Variants in MMS22L observed in about 807,000 individuals in gnomAD.
The protein encoded by MMS22L is MMS22 like, DNA repair protein, also known as protein MMS22-like.
In MMS22L, 74 loss-of-function variants were observed where a neutral mutation model predicts 159.1. The observed-to-expected ratio is 0.47, with a 90% CI of 0.39 to 0.56. MMS22L has a LOEUF of 0.56. Ranked by LOEUF, MMS22L falls within the 20% of genes least tolerant of loss-of-function variation. The pLI is 0.00. For missense variants in MMS22L, 1,351 were observed against 1,422.1 expected, an observed-to-expected ratio of 0.95 and a Z score of 0.80; for synonymous variants, 517 against 506.9, an observed-to-expected ratio of 1.02 and a Z score of -0.27.
chr6:97,210,896 G>A (rs1808305533), intron 14 of MMS22L, among the ~76,000 whole-genome samples: 1 of 151,930 alleles, frequency 6.6e-6, no homozygotes, highest in Non-Finnish European at 1.5e-5. Flanking sequence ...GTAGTCTGCA[G>A]AATGTAAGAG....
chr6:97,201,962 C>G (rs527487408), intron 14 of MMS22L, among the ~76,000 whole-genome samples: 1 of 152,152 alleles, frequency 6.6e-6, no homozygotes, highest in East Asian at 1.9e-4. Flanking sequence ...TCGAACAATA[C>G]TTTTAGAAAG....
intron 19 of MMS22L, among the ~76,000 whole-genome samples, chr6:97,171,008 A>AAAC (rs200292551): frequency 1.3e-5 from 2 of 152,160 alleles, no homozygotes; most frequent in Admixed American, 1.3e-4. Context: ...TCTGTCTCAA[A>AAAC]AACAACAACA....
At chr6:97,207,967 A>C (rs536667620) in intron 14 of MMS22L, among the ~76,000 whole-genome samples, 1 of 152,180 alleles carries the variant, frequency 6.6e-6, no homozygotes, top group Non-Finnish European at 1.5e-5. Flanking sequence ...GGACCACAGG[A>C]ACAGTGAAAC....
intron 22 of MMS22L, among the ~76,000 whole-genome samples, chr6:97,154,794 A>T (rs537189983): frequency 6.6e-6 from 1 of 152,284 alleles, no homozygotes; most frequent in African/African-American, 2.4e-5. Context: ...TGAACGCTTA[A>T]TTCTATTCTA....
At chr6:97,182,094 T>G (rs755800684) in intron 15 of MMS22L, 40 bp from the exon 16 acceptor site, 2 of 1,568,102 alleles carry the variant, frequency 1.3e-6, no homozygotes, top group Non-Finnish European at 1.7e-6. Context: ...CAGGAATCTT[T>G]AAAAACCATT....
chr6:97,190,006 G>C (rs946741861), intron 14 of MMS22L, among the ~76,000 whole-genome samples: 1 of 152,154 alleles, frequency 6.6e-6, no homozygotes, highest in Non-Finnish European at 1.5e-5. Flanking sequence ...TAGCCAAATA[G>C]CTAGAAATAC....
chr6:97,152,497 C>T (rs1452199025), intron 22 of MMS22L, among the ~76,000 whole-genome samples: 1 of 151,360 alleles, frequency 6.6e-6, no homozygotes, highest in African/African-American at 2.4e-5. Context: ...GTAGAAAACC[C>T]AATATGTTCT....
rs765883061 is a variant in MMS22L at position 97,246,611 on chromosome 6, T to C, written c.1182+17A>G. The stretch of plus-strand genomic sequence containing the variant: ...AATTAAGCAAAATCCACAAACTGTC[T>C]TACTTTAATTGCATACCTGAACACT... On this transcript the variant is annotated intron_variant, in intron 11 of 24. Coordinates refer to ENST00000683635, the MANE Select transcript of MMS22L (RefSeq NM_001350599.2). The C allele has an allele frequency of 1.3e-6, 2 of 1,592,062 alleles. No homozygotes were observed. Among genetic ancestry groups the C allele is most frequent in the African/African-American group, 1.3e-5 (1 of 74,176 alleles).
rs1299150422 is a variant in MMS22L at position 97,173,117 on chromosome 6, A to G, written c.2785T>C (p.Tyr929His). The change falls in exon 19 of 25, where the codon TAT becomes CAT. Residue 929 changes from tyrosine (Y) to histidine (H), a missense_variant. Physicochemically the swap from Tyr to His is moderately conservative, Grantham distance 83. Transcript: ENST00000683635. Reference protein sequence around the residue: ...LGEVLKYIKPYLGKKVFSAGL... With the variant: ...LGEVLKYIKPHLGKKVFSAGL... ...GCACTGAAAACTTTTTTTCCCAAAT[A>G]AGGCTTAATATATTTTAATACTTCA... 1 of 1,613,378 alleles carries G rather than the reference A, an allele frequency of 6.2e-7. No homozygotes were observed. The highest frequency in any genetic ancestry group is 1.7e-5 in the Admixed American group (1 of 59,912).
intron 14 of MMS22L, among the ~76,000 whole-genome samples, chr6:97,208,277 G>A (rs1306090846): frequency 6.6e-6 from 1 of 151,920 alleles, no homozygotes; most frequent in Non-Finnish European, 1.5e-5. Flanking sequence ...TTCCTACCTA[G>A]TTTCCTTGCT....
intron 4 of MMS22L, among the ~76,000 whole-genome samples, chr6:97,276,007 A>T (rs1816208616): frequency 1.3e-5 from 2 of 152,162 alleles, no homozygotes; most frequent in East Asian, 3.9e-4. Flanking sequence ...CTGTCTTGAG[A>T]CAGAGACAAA....
intron 18 of MMS22L, among the ~76,000 whole-genome samples, chr6:97,176,092 T>A (rs1804088295): frequency 2.0e-5 from 3 of 152,290 alleles, no homozygotes; most frequent in Middle Eastern, 3.4e-3. Context: ...ATAAAATAAA[T>A]AATTTTACTG....
At chr6:97,274,818 G>C (rs904108782) in intron 4 of MMS22L, among the ~76,000 whole-genome samples, 1 of 151,974 alleles carries the variant, frequency 6.6e-6, no homozygotes, top group African/African-American at 2.4e-5. Context: ...CCAACGCCAG[G>C]GAAAAACACC....
At position 97,168,151 on chromosome 6, in the gene MMS22L, G is replaced by A. The variant is rs139711344; in HGVS notation, c.2929C>T (p.His977Tyr). ...FRIIDCLLLP[H>Y]AVLQQEKELP... The stretch of plus-strand genomic sequence containing the variant: ...TCCTTCTCTTGCTGTAATACTGCAT[G>A]TGGCAGCAGTAAACAATCTATGATC... Residue 977 changes from histidine to tyrosine, a missense_variant, in exon 20 of 25, where the codon CAT becomes TAT. By Grantham distance (83) the His-to-Tyr change is moderately conservative. Coordinates refer to ENST00000683635, the MANE Select transcript of MMS22L (RefSeq NM_001350599.2). The A allele has an allele frequency of 1.1e-4, 179 of 1,613,014 alleles. No homozygotes were observed. The highest frequency in any genetic ancestry group is 8.8e-4 in the Admixed American group (53 of 59,914).
chr6:97,221,039 G>T (rs942404885), intron 14 of MMS22L, among the ~76,000 whole-genome samples: 4 of 150,964 alleles, frequency 2.6e-5, no homozygotes, highest in Non-Finnish European at 5.9e-5. Flanking sequence ...GCATAACGAA[G>T]AAATGATTAT....
rs761130407 is a variant in MMS22L at position 97,186,490 on chromosome 6, T to C, written c.2233+7A>G. The C allele has an allele frequency of 1.9e-6, 3 of 1,609,372 alleles. No homozygotes were observed. The highest frequency in any genetic ancestry group is 1.7e-5 in the Admixed American group (1 of 58,896). On this transcript the variant is annotated splice_region_variant and intron_variant, in intron 15 of 24. Transcript: ENST00000683635. ...GAGAAATTAGCAAATTAATAATTAA[T>C]GCTGACCTGCAGCTGCATCCGCAAG...
intron 19 of MMS22L, among the ~76,000 whole-genome samples, chr6:97,170,524 CA>C (rs1402661227): frequency 6.6e-6 from 1 of 150,558 alleles, no homozygotes; most frequent in Non-Finnish European, 1.5e-5. Flanking sequence ...ACTGAAAATA[CA>C]AAAAAATTTA....
intron 22 of MMS22L, among the ~76,000 whole-genome samples, chr6:97,157,540 T>G (rs930081641): frequency 1.1e-4 from 16 of 152,332 alleles, no homozygotes; most frequent in African/African-American, 3.4e-4. Flanking sequence ...TACTGTTGAA[T>G]TTTGTTAAAG....
chr6:97,232,385 A>G (rs369167077), intron 12 of MMS22L, among the ~76,000 whole-genome samples: 2 of 152,164 alleles, frequency 1.3e-5, no homozygotes, highest in East Asian at 1.9e-4. Context: ...TAATTAACTC[A>G]TCAGAAATCT....
Sources: gnomAD v4.1 joint callset for allele counts (sites outside exome capture counted in the v4.1 genomes callset) on GRCh38, gnomAD v4.1.1 for gene constraint, MANE v1.5 for transcripts, NCBI Gene and HGNC (gene_info 2026-07-23, HGNC 2026-07-21) for gene names.